Variants in ITSN2 observed in about 807,000 individuals in gnomAD.
ITSN2 encodes intersectin-2.
Under a neutral mutation model 243.7 loss-of-function variants are expected in ITSN2, and 156 were observed. That is an observed-to-expected ratio of 0.64 (90% CI 0.56 to 0.73). The LOEUF is 0.73. Among genes scored for constraint, ITSN2 ranks in the 30% least tolerant of loss-of-function variants. The pLI is 0.00. For missense variants in ITSN2, 1,801 were observed against 1,996.1 expected, an observed-to-expected ratio of 0.90 and a Z score of 1.86; for synonymous variants, 703 against 699.9, an observed-to-expected ratio of 1.00 and a Z score of -0.07.
rs1344468682 is a variant in ITSN2, at chr2:24,203,488, G to A, written c.*138C>T. 4 of 821,650 alleles carry A rather than the reference G, an allele frequency of 4.9e-6. No individual in the cohort carries two copies. The highest frequency in any genetic ancestry group is 5.8e-5 in the Admixed American group (2 of 34,234). The allele number at this position is 821,650 out of a possible 1,614,324, so 50.9% of individuals were successfully genotyped here. A position where few individuals can be genotyped will look rare whatever the true frequency, so the allele number is the denominator to read the frequency against. Reference sequence around the variant, plus strand: ...AGATTGCTAGCTATTTAGTGTGCAGGAAAACAGAGCCCCCAGCGTGCATGG... The same window carrying A: ...AGATTGCTAGCTATTTAGTGTGCAGAAAAACAGAGCCCCCAGCGTGCATGG... On this transcript the variant is annotated 3_prime_UTR_variant, in exon 40 of 40. Coordinates refer to ENST00000355123, the MANE Select transcript of ITSN2 (RefSeq NM_006277.3).
rs1160742032 is a variant in ITSN2 at position 24,209,129 on chromosome 2, G to A, written c.4566C>T (p.Tyr1522=). 2.5e-6 allele frequency: 4 copies of A among 1,614,040 alleles called. No individual in the cohort carries two copies. Among genetic ancestry groups the A allele is most frequent in the Non-Finnish European group, 3.4e-6 (4 of 1,180,000 alleles). Residue 1522 remains tyrosine, a synonymous_variant, in exon 36 of 40, where the codon TAC becomes TAT. Transcript: ENST00000355123. Reference sequence around the variant, plus strand: ...CATTAATGTTGTCTGTTCGGAGGGTGTAGACCCGATCAATGTGGGAAATGT... The same window carrying A: ...CATTAATGTTGTCTGTTCGGAGGGTATAGACCCGATCAATGTGGGAAATGT... ...VFHISHIDRV[Y]TLRTDNINER... is the part of the protein sequence containing the mutation.
intron 29 of ITSN2, among the ~76,000 whole-genome samples, chr2:24,235,118 CTG>C (rs970236487): frequency 9.2e-5 from 14 of 152,278 alleles, no homozygotes; most frequent in African/African-American, 3.4e-4. Flanking sequence ...GAGTGGATAA[CTG>C]TGGTATACCC....
At chr2:24,266,767 C>CA (rs1277915920) in intron 20 of ITSN2, among the ~76,000 whole-genome samples, 3 of 75,500 alleles carry the variant, frequency 4.0e-5, no homozygotes, top group Non-Finnish European at 8.3e-5. Context: ...TCCATCTCCA[C>CA]AAAAAAAAAA....
intron 1 of ITSN2, among the ~76,000 whole-genome samples, chr2:24,358,620 T>A (rs1395438664): frequency 6.6e-6 from 1 of 152,166 alleles, no homozygotes; most frequent in African/African-American, 2.4e-5. Flanking sequence ...TTCTACTTTT[T>A]AAAAAAGATA....
chr2:24,313,328 G>T, intron 4 of ITSN2, 132 bp downstream of exon 4: 1 of 628,436 alleles, frequency 1.6e-6, no homozygotes, highest in Non-Finnish European at 2.7e-6. Flanking sequence ...TCCTACCTCA[G>T]ACTCCCAAAG....
chr2:24,208,889 T>TG (rs1669195906), intron 36 of ITSN2, among the ~76,000 whole-genome samples: 1 of 151,970 alleles, frequency 6.6e-6, no homozygotes, highest in South Asian at 2.1e-4. Flanking sequence ...CTGAGTGGTG[T>TG]GGGGAGAGAC....
intron 17 of ITSN2, among the ~76,000 whole-genome samples, chr2:24,282,173 A>T (rs1678868383): frequency 6.6e-6 from 1 of 152,194 alleles, no homozygotes; most frequent in Non-Finnish European, 1.5e-5. Flanking sequence ...AGATCCTAAA[A>T]AGGCAGAGGC....
Position 24,290,052 on chromosome 2 carries a change from G to A in ITSN2, c.1723+3636C>T, listed in dbSNP as rs558523619. ...AGATGTTAAACCTTGTCAAATACTC[G>A]TTCTGTTATTTATGGAGATGATCAC... On this transcript the variant is annotated intron_variant, in intron 15 of 39. Coordinates refer to ENST00000355123, the MANE Select transcript of ITSN2 (RefSeq NM_006277.3). 8.6e-5 allele frequency among the ~76,000 whole-genome samples: 13 copies of A among 151,998 alleles called. No homozygotes were observed. The South Asian group carries it at 2.1e-3, about 24-fold the overall frequency.
chr2:24,279,954 G>C (rs758681296), intron 17 of ITSN2, among the ~76,000 whole-genome samples: 1 of 151,514 alleles, frequency 6.6e-6, no homozygotes, highest in Non-Finnish European at 1.5e-5. Flanking sequence ...GGCTGGTCTC[G>C]AACTCCTGAT....
chr2:24,313,023 T>C (rs1683444655), intron 4 of ITSN2, among the ~76,000 whole-genome samples: 1 of 151,926 alleles, frequency 6.6e-6, no homozygotes, highest in African/African-American at 2.4e-5. Flanking sequence ...GAACTAAACC[T>C]GAATTATTTT....
chr2:24,258,814 T>TATTA (rs1429255675), intron 22 of ITSN2, among the ~76,000 whole-genome samples: 2 of 152,294 alleles, frequency 1.3e-5, no homozygotes, highest in Non-Finnish European at 2.9e-5. Context: ...CAGACAAGGT[T>TATTA]ATTAATAATA....
At chr2:24,222,151 C>T (rs1005679706) in intron 29 of ITSN2, among the ~76,000 whole-genome samples, 3 of 148,504 alleles carry the variant, frequency 2.0e-5, no homozygotes, top group Non-Finnish European at 3.0e-5. Context: ...ACTCAGGAGG[C>T]TGAGGCAGCA....
At chr2:24,330,198 A>C (rs551144038) in intron 1 of ITSN2, among the ~76,000 whole-genome samples, 5 of 152,394 alleles carry the variant, frequency 3.3e-5, no homozygotes, top group Admixed American at 6.5e-5. Flanking sequence ...CAAGGCCTTA[A>C]TCAGTTGGGA....
At chr2:24,233,162 C>T (rs1198407702) in intron 29 of ITSN2, among the ~76,000 whole-genome samples, 2 of 152,124 alleles carry the variant, frequency 1.3e-5, no homozygotes, top group African/African-American at 4.8e-5. Flanking sequence ...TTCATATGCA[C>T]ATATATATTT....
intron 14 of ITSN2, among the ~76,000 whole-genome samples, chr2:24,294,491 T>G (rs1680687256): frequency 6.6e-6 from 1 of 152,130 alleles, no homozygotes; most frequent in Non-Finnish European, 1.5e-5. Context: ...TTTGTTTATC[T>G]CTCCTGTAAC....
In ITSN2 at chr2:24,284,781, G is replaced by T; in HGVS notation, c.1926C>A (p.Asn642Lys). ...CLLSLLSCLN[N>K]LFLLLKELRE... is the part of the protein sequence containing the mutation. ...AAATAACCTTAAGTAAGAGGAAGAG[G>T]TTGTTGAGACAGCTTAGCAGAGACA... Residue 642 changes from asparagine to lysine, a missense_variant, in exon 17 of 40, where the codon AAC (asparagine) becomes AAA (lysine). Around this residue, in one of 5 missense-constraint regions of ITSN2, gnomAD observed 787 missense variants for 803.9 expected, o/e 0.98. Coordinates refer to ENST00000355123, the MANE Select transcript of ITSN2 (RefSeq NM_006277.3). 1 of 1,596,466 alleles carries T rather than the reference G, an allele frequency of 6.3e-7. No homozygotes were observed. The highest frequency in any genetic ancestry group is 8.6e-7 in the Non-Finnish European group (1 of 1,164,424).
intron 17 of ITSN2, among the ~76,000 whole-genome samples, chr2:24,280,026 C>G (rs997155759): frequency 2.0e-5 from 3 of 152,126 alleles, no homozygotes; most frequent in African/African-American, 7.2e-5. Flanking sequence ...GCCACAGTAC[C>G]TGGCCAGATG....
At chr2:24,360,265 C>G (rs965439020) in intron 1 of ITSN2, 39 bp downstream of exon 1, 9 of 152,534 alleles carry the variant, frequency 5.9e-5, no homozygotes, top group African/African-American at 2.2e-4. Context: ...CCGCACCTGC[C>G]CCGCGCCTTG....
intron 1 of ITSN2, among the ~76,000 whole-genome samples, chr2:24,340,205 G>A (rs1299994013): frequency 6.6e-6 from 1 of 151,988 alleles, no homozygotes; most frequent in African/African-American, 2.4e-5. Context: ...TACTTGGCAG[G>A]GCGCGGTGGC....
Sources: allele counts gnomAD v4.1 joint callset (sites outside exome capture counted in the v4.1 genomes callset), GRCh38; gene constraint gnomAD v4.1.1; regional missense constraint gnomAD v4.1.1; transcripts MANE v1.5; gene names NCBI Gene and HGNC (gene_info 2026-07-23, HGNC 2026-07-21).